KIF15: variants seen among roughly 807,000 people sequenced by gnomAD.
KIF15 encodes kinesin family member 15, also known as kinesin-like protein KIF15.
KIF15 carries 140 observed loss-of-function variants against 190.6 expected under a neutral mutation model. The ratio of observed to expected loss-of-function variants is 0.73; its 90% CI spans 0.64 to 0.84. The LOEUF (loss-of-function observed/expected upper bound fraction) is 0.84, where lower values mean the gene tolerates loss of function less well. Ranked by LOEUF, KIF15 falls within the 40% of genes least tolerant of loss-of-function variation. The pLI is 0.00. For missense variants in KIF15, 1,372 were observed against 1,584.4 expected (o/e 0.87, Z 2.28); for synonymous variants, 528 against 551.3 (o/e 0.96, Z 0.59).
intron 20 of KIF15, among the ~76,000 whole-genome samples, chr3:44,819,495 G>A (rs1276192767): frequency 8.6e-5 from 13 of 152,038 alleles, no homozygotes; most frequent in African/African-American, 2.9e-4. Flanking sequence ...CCTTCATTTC[G>A]TTATTTACCC....
In KIF15 at chr3:44,813,061, C is replaced by CT. The variant is rs1205335201; in HGVS notation, c.2278-8dup. 4 of 1,503,230 alleles carry CT rather than the reference C, an allele frequency of 2.7e-6. No homozygotes were observed. Among genetic ancestry groups the CT allele is most frequent in the Non-Finnish European group, 3.6e-6 (4 of 1,106,136 alleles). The allele number at this position is 1,503,230 out of a possible 1,614,324, so 93.1% of individuals were successfully genotyped here. A position where few individuals can be genotyped will look rare whatever the true frequency, so the allele number is the denominator to read the frequency against. On this transcript the variant is annotated splice_polypyrimidine_tract_variant and intron_variant, in intron 18 of 34. Transcript: ENST00000326047. Reference sequence around the variant, plus strand: ...AGTATTCCTTTTCCAGTAAATTTATCTTTTTTCCCAAAGCTTTTCTCATCA... The same window carrying CT: ...AGTATTCCTTTTCCAGTAAATTTATCTTTTTTTCCCAAAGCTTTTCTCATCA...
Position 44,800,432 on chromosome 3 carries a change from C to T in KIF15, c.1217C>T (p.Thr406Ile). 6.2e-7 allele frequency: 1 copy of T among 1,613,874 alleles called. No individual in the cohort carries two copies. ...CAGACACCACCAGAAAGCTTCCTGA[C>T]CAGAGGTAGGATGAGCACACAGTCC... is the stretch of plus-strand genomic sequence containing the variant. The part of the protein sequence containing the change: ...SGQTPPESFL[T>I]RDKKKTNYME... The change falls in exon 11 of 35, where the codon ACC (threonine) becomes ATC (isoleucine). Residue 406 changes from threonine to isoleucine, a missense_variant. Coordinates refer to ENST00000326047, the MANE Select transcript of KIF15 (RefSeq NM_020242.3).
chr3:44,810,532 T>C (rs538876313), intron 16 of KIF15, among the ~76,000 whole-genome samples: 17 of 152,318 alleles, frequency 1.1e-4, no homozygotes, highest in Admixed American at 3.3e-4. Flanking sequence ...GGTGTTGGGA[T>C]TATAGCCATG....
rs117057443 is a variant in KIF15, at chr3:44,824,748, C to T, written c.2550-1291C>T. Among the ~76,000 whole-genome samples the T allele has an allele frequency of 6.9e-4, 105 of 152,212 alleles. 3 individuals carry two copies. In the East Asian group the frequency reaches 0.02, roughly 29 times the overall value. Reference sequence around the variant, plus strand: ...TAAATTCTATTTTCATCATTAAATACTTCCTAGGTTTGTTTGTTTGTTTGT... The same window carrying T: ...TAAATTCTATTTTCATCATTAAATATTTCCTAGGTTTGTTTGTTTGTTTGT... On this transcript the variant is annotated intron_variant, in intron 20 of 34. Coordinates refer to ENST00000326047, the MANE Select transcript of KIF15 (RefSeq NM_020242.3).
chr3:44,858,528 TGGG>T (rs1219551985), intron 6 of KIF15, among the ~76,000 whole-genome samples: 1 of 150,750 alleles, frequency 6.6e-6, no homozygotes, highest in African/African-American at 2.4e-5. Flanking sequence ...TGGGTTAAGG[TGGG>T]GGGGATACGA....
At chr3:44,762,474 A>G (rs937879567) in intron 1 of KIF15, among the ~76,000 whole-genome samples, 2 of 152,170 alleles carry the variant, frequency 1.3e-5, no homozygotes, top group Admixed American at 6.5e-5. Flanking sequence ...CATTTTGCTT[A>G]TGATAAACCC....
At chr3:44,787,560 C>T (rs1451232092) in intron 7 of KIF15, among the ~76,000 whole-genome samples, 4 of 152,126 alleles carry the variant, frequency 2.6e-5, no homozygotes, top group South Asian at 2.1e-4. Context: ...GTACATGTGA[C>T]GTAGTATGTG....
intron 20 of KIF15, among the ~76,000 whole-genome samples, chr3:44,824,684 C>A (rs1048338288): frequency 3.1e-4 from 47 of 152,180 alleles, no homozygotes; most frequent in Non-Finnish European, 5.6e-4. Context: ...TGAACTACAT[C>A]AAAAAATGTT....
intron 26 of KIF15, among the ~76,000 whole-genome samples, chr3:44,831,248 C>T (rs74993993): frequency 7.9e-5 from 12 of 152,214 alleles, no homozygotes; most frequent in Admixed American, 2.6e-4. Context: ...ACTCCACACA[C>T]GTTCACGCTG....
intron 1 of KIF15, among the ~76,000 whole-genome samples, chr3:44,762,094 A>T (rs1056806868): frequency 6.6e-6 from 1 of 152,318 alleles, no homozygotes; most frequent in Non-Finnish European, 1.5e-5. Context: ...TCCTGTGCGC[A>T]TGCCAGGAGT....
intron 26 of KIF15, among the ~76,000 whole-genome samples, chr3:44,834,144 C>G (rs552703314): frequency 6.6e-6 from 1 of 152,280 alleles, no homozygotes; most frequent in South Asian, 2.1e-4. Flanking sequence ...GGAATTGACC[C>G]TATAAACAGC....
At chr3:44,805,736 T>C (rs1322245079) in intron 15 of KIF15, 109 bp from the exon 16 acceptor site, 1 of 1,003,806 alleles carries the variant, frequency 1.0e-6, no homozygotes, top group Non-Finnish European at 1.5e-6. Context: ...AGAATATCTC[T>C]GATTTAGAGA....
chr3:44,776,756 G>A (rs1345261280), intron 3 of KIF15, among the ~76,000 whole-genome samples: 3 of 152,140 alleles, frequency 2.0e-5, no homozygotes, highest in African/African-American at 7.2e-5. Flanking sequence ...GAAATGTTCT[G>A]TATCTGTGCT....
rs1468567623 is a variant in KIF15 at position 44,821,075 on chromosome 3, C to T, written c.2550-4964C>T. Among the ~76,000 whole-genome samples the T allele has an allele frequency of 6.1e-5, 8 of 131,466 alleles. 1 individual carries two copies. The highest frequency in any genetic ancestry group is 3.7e-4 in the Admixed American group (5 of 13,580). 86.2% of individuals were successfully genotyped at this position (131,466 alleles called of 152,430 possible). On this transcript the variant is annotated intron_variant, in intron 20 of 34. Transcript: ENST00000326047. ...CCGGATGGGGCGGCAGGCCGGGTGG[C>T]GGGCTGACCCCCCCCACCTCCCTCC...
intron 30 of KIF15, among the ~76,000 whole-genome samples, chr3:44,844,268 T>TA (rs1196191014): frequency 6.6e-6 from 1 of 152,242 alleles, no homozygotes; most frequent in Non-Finnish European, 1.5e-5. Context: ...GTGGCTATGC[T>TA]AAAATCTCTT....
chr3:44,863,851 T>G (rs535562965), intron 6 of KIF15: 202 of 282,624 alleles, frequency 7.1e-4, no homozygotes, highest in African/African-American at 3.9e-3. Context: ...TACTTGGCCC[T>G]CTGGGACTGA....
intron 16 of KIF15, among the ~76,000 whole-genome samples, chr3:44,808,803 C>T (rs74377883): frequency 0.034 from 5,133 of 152,094 alleles, 126 homozygotes; most frequent in Non-Finnish European, 0.054. Context: ...GTGGAAAGAT[C>T]CAAGGCATCT....
Position 44,775,529 on chromosome 3 carries a change from C to T in KIF15, c.246+92C>T, listed in dbSNP as rs904721689. On this transcript the variant is annotated intron_variant, in intron 3 of 34. Transcript: ENST00000326047. ...GGAGTGCAGTGGCATGATCTCGGCT[C>T]ACTGCACCCTCTGCCTCCCGGGTTC... is the stretch of plus-strand genomic sequence containing the variant. 2.1e-5 allele frequency: 19 copies of T among 892,504 alleles called. No homozygotes were observed. The East Asian group carries it at 5.0e-4, about 24-fold the overall frequency. The allele number at this position is 892,504 out of a possible 1,614,324, so 55.3% of individuals were successfully genotyped here. A position where few individuals can be genotyped will look rare whatever the true frequency, so the allele number is the denominator to read the frequency against.
chr3:44,790,288 G>C (rs920438493), intron 7 of KIF15, among the ~76,000 whole-genome samples: 4 of 151,484 alleles, frequency 2.6e-5, no homozygotes, highest in Non-Finnish European at 5.9e-5. Context: ...AACGATTCTT[G>C]TGCCTCAGCC....
Sources: allele counts gnomAD v4.1 joint callset (sites outside exome capture counted in the v4.1 genomes callset), GRCh38; gene constraint gnomAD v4.1.1; transcripts MANE v1.5; gene names NCBI Gene and HGNC (gene_info 2026-07-23, HGNC 2026-07-21).